The following LZTS3 variants were observed in gnomAD, a reference collection of about 807,000 sequenced individuals.
LZTS3 encodes leucine zipper tumor suppressor family member 3.
LZTS3 carries 16 observed loss-of-function variants against 50.9 expected under a neutral mutation model. The ratio of observed to expected loss-of-function variants is 0.31; its 90% CI spans 0.21 to 0.48. The LOEUF (loss-of-function observed/expected upper bound fraction) is 0.48. Among genes scored for constraint, LZTS3 ranks in the 20% least tolerant of loss-of-function variants. The pLI is 0.99. For synonymous variants in LZTS3, 408 were observed against 410.6 expected, an observed-to-expected ratio of 0.99 and a Z score of 0.08; for missense variants, 816 against 931.0, an observed-to-expected ratio of 0.88 and a Z score of 1.61.
intron 2 of LZTS3, chr20:3,167,497 C>G (rs2066847811): frequency 9.1e-7 from 1 of 1,098,216 alleles, no homozygotes; most frequent in African/African-American, 1.6e-5. Context: ...AGCCCCACCT[C>G]CGCCATGAGC....
chr20:3,162,708 A>T lies in LZTS3; in HGVS notation c.*1746T>A, dbSNP rs145786904. On this transcript the variant is annotated 3_prime_UTR_variant, in exon 5 of 5. Transcript: ENST00000337576. This position sits in a 1 kb window ranked among gnomAD's most constrained non-coding sequence, Gnocchi z 5.0. The stretch of plus-strand genomic sequence containing the variant: ...ATATGGTAGAGATATATATTTATAT[A>T]TATTTATATATAATTTCTTTTGTGG... 1.3e-5 allele frequency: 2 copies of T among 152,178 alleles called. No individual in the cohort carries two copies. Among genetic ancestry groups the T allele is most frequent in the African/African-American group, 4.8e-5 (2 of 41,516 alleles). 9.4% of individuals were successfully genotyped at this position (152,178 alleles called of 1,614,324 possible). A position where few individuals can be genotyped will look rare whatever the true frequency, so the allele number is the denominator to read the frequency against.
chr20:3,168,907 C>G (rs1410725112), intron 1 of LZTS3, among the ~76,000 whole-genome samples: 1 of 152,230 alleles, frequency 6.6e-6, no homozygotes, highest in Admixed American at 6.5e-5. Context: ...CCAAGGGCAC[C>G]TGACAAAACT....
intron 1 of LZTS3, among the ~76,000 whole-genome samples, chr20:3,170,503 A>AAAAAAAAAG (rs1252123693): frequency 1.2e-4 from 18 of 150,084 alleles, no homozygotes; most frequent in African/African-American, 4.4e-4. Context: ...AAAAAAAAAA[A>AAAAAAAAAG]AAACAGGTTG....
In LZTS3 at chr20:3,166,989, T is replaced by C; in HGVS notation, c.175A>G (p.Thr59Ala). 6.3e-7 allele frequency: 1 copy of C among 1,598,108 alleles called. No individual in the cohort carries two copies. The highest frequency in any genetic ancestry group is 8.5e-7 in the Non-Finnish European group (1 of 1,178,080). ...CTGCCCTGGCTGCCCCCACCCCCTG[T>C]GCGGGTACCCACGCTCTTCATGGCA... ...EFAMKSVGTR[T>A]GGGGSQGSFP... Residue 59 changes from threonine (T) to alanine (A), a missense_variant, in exon 3 of 5, where the codon ACA (threonine) becomes GCA (alanine). This residue lies in a region of LZTS3 where 700 missense variants were observed against 769.4 expected (regional missense o/e 0.91). Transcript: ENST00000337576.
Position 3,165,776 on chromosome 20 carries a change from A to T in LZTS3, c.1044T>A (p.Ala348=). ...GCCGCTCCTCCAGTACCTGGGCCAC[A>T]GCCGCCTCGCTCTGCTCCAGGCTGC... ...LRRSLEQSEA[A]VAQVLEERQK... is the part of the protein sequence containing the mutation. The change falls in exon 4 of 5, where the codon GCT becomes GCA. Residue 348 remains alanine (A), a synonymous_variant. Coordinates refer to ENST00000337576, the MANE Select transcript of LZTS3 (RefSeq NM_001365618.1). This position sits in a 1 kb window ranked among gnomAD's most constrained non-coding sequence, Gnocchi z 5.0. The T allele has an allele frequency of 6.3e-7, 1 of 1,583,892 alleles. No homozygotes were observed. The highest frequency in any genetic ancestry group is 1.8e-5 in the Admixed American group (1 of 56,846).
rs1568489783 is a variant in LZTS3, at chr20:3,165,807, A to C, written c.1013T>G (p.Leu338Arg). 6.3e-7 allele frequency: 1 copy of C among 1,599,168 alleles called. No individual in the cohort carries two copies. Among genetic ancestry groups the C allele is most frequent in the Non-Finnish European group, 8.5e-7 (1 of 1,177,938 alleles). The change falls in exon 4 of 5, where the codon CTG (leucine) becomes CGG (arginine). Residue 338 changes from leucine to arginine, a missense_variant. Physicochemically the swap from Leu to Arg is moderately radical, Grantham distance 102 (BLOSUM62 -2). Around this residue, in one of 3 missense-constraint regions of LZTS3, gnomAD observed 700 missense variants for 769.4 expected, o/e 0.91. Transcript: ENST00000337576. This position sits in a 1 kb window ranked among gnomAD's most constrained non-coding sequence, Gnocchi z 5.0. Reference sequence around the variant, plus strand: ...CTCGCTCTGCTCCAGGCTGCGCCGCAGAGCTGCCACCTCCTGCTCCTTCTC... The same window carrying C: ...CTCGCTCTGCTCCAGGCTGCGCCGCCGAGCTGCCACCTCCTGCTCCTTCTC... The part of the protein sequence containing the change: ...LWEKEQEVAA[L>R]RRSLEQSEAA...
rs2066814275 is a variant in LZTS3, at chr20:3,166,062, G to A, written c.758C>T (p.Thr253Ile). The change falls in exon 4 of 5, where the codon ACT (threonine) becomes ATT (isoleucine). Residue 253 changes from threonine (T) to isoleucine (I), a missense_variant. Physicochemically the swap from Thr to Ile is moderately conservative, Grantham distance 89. Transcript: ENST00000337576. ...GCCACTACCACTACCATAGCTGGCAGTGCCAATGCGGTTAATGTGGCTGGT... is the reference window on the plus strand; with the variant it reads ...GCCACTACCACTACCATAGCTGGCAATGCCAATGCGGTTAATGTGGCTGGT... The part of the protein sequence containing the change: ...ASTSHINRIG[T>I]ASYGSGSGGS... 1.2e-6 allele frequency: 2 copies of A among 1,612,846 alleles called. No homozygotes were observed. Among genetic ancestry groups the A allele is most frequent in the Non-Finnish European group, 1.7e-6 (2 of 1,179,320 alleles).
intron 1 of LZTS3, among the ~76,000 whole-genome samples, chr20:3,170,486 C>CA (rs397955055): frequency 0.21 from 15,552 of 72,392 alleles, 1,999 homozygotes; most frequent in East Asian, 0.41. Flanking sequence ...GAGACTACAT[C>CA]AAAAAAAAAA....
chr20:3,167,134 G>T lies in LZTS3; in HGVS notation c.30C>A (p.Arg10=). 1 of 1,494,402 alleles carries T rather than the reference G, an allele frequency of 6.7e-7. No individual in the cohort carries two copies. 92.6% of individuals were successfully genotyped at this position (1,494,402 alleles called of 1,614,324 possible). A position where few individuals can be genotyped will look rare whatever the true frequency, so the allele number is the denominator to read the frequency against. ...GGAGAGGATCCCGCCCTGGGTCAGC[G>T]CGCACAGGCAGCGTCTCCAGCTTCG... MAKLETLPV[R]ADPGRDPLLA... The change falls in exon 3 of 5, where the codon CGC becomes CGA. Residue 10 remains arginine (R), a synonymous_variant. Coordinates refer to ENST00000337576, the MANE Select transcript of LZTS3 (RefSeq NM_001365618.1).
In LZTS3 at chr20:3,166,940, C is replaced by T; in HGVS notation, c.224G>A (p.Gly75Asp). The change falls in exon 3 of 5, where the codon GGC becomes GAC. Residue 75 changes from glycine (G) to aspartate (D), a missense_variant. By Grantham distance (94) the Gly-to-Asp change is moderately conservative (BLOSUM62 -1). Coordinates refer to ENST00000337576, the MANE Select transcript of LZTS3 (RefSeq NM_001365618.1). ...QGSFPGPRGSGSGASRERPGR... is the reference protein window; with the variant it reads ...QGSFPGPRGSDSGASRERPGR... ...CGGCCTCTCCCTGCTGGCCCCACTG[C>T]CACTGCCTCGGGGGCCAGGGAAACT... 1 of 1,608,604 alleles carries T rather than the reference C, an allele frequency of 6.2e-7. No individual in the cohort carries two copies. Among genetic ancestry groups the T allele is most frequent in the Non-Finnish European group, 8.5e-7 (1 of 1,179,704 alleles).
chr20:3,171,927 C>T (rs902889241), intron 1 of LZTS3, among the ~76,000 whole-genome samples: 2 of 152,186 alleles, frequency 1.3e-5, no homozygotes, highest in African/African-American at 2.4e-5. Flanking sequence ...GGGGGCCAAA[C>T]GGACTCTACC....
intron 1 of LZTS3, among the ~76,000 whole-genome samples, chr20:3,171,662 C>CAAAA (rs35361315): frequency 8.3e-5 from 9 of 108,390 alleles, no homozygotes; most frequent in African/African-American, 3.0e-4. Flanking sequence ...GATACCCCCT[C>CAAAA]AAAAAAAAAA....
intron 1 of LZTS3, among the ~76,000 whole-genome samples, chr20:3,168,759 T>C (rs1272597005): frequency 6.6e-6 from 1 of 152,166 alleles, no homozygotes; most frequent in African/African-American, 2.4e-5. Flanking sequence ...CTTCAGGCCT[T>C]TTCCCACTAC....
rs1431990020 is a variant in LZTS3 at position 3,164,874 on chromosome 20, G to A, written c.1602C>T (p.Ala534=). Residue 534 remains alanine (A), a synonymous_variant, in exon 5 of 5, where the codon GCC becomes GCT. Transcript: ENST00000337576. Reference sequence around the variant, plus strand: ...TCTTAGCCTCGTCGCTCTCGCAGGTGGCCAGAGCATCCTGTGGCTCGGCCG... The same window carrying A: ...TCTTAGCCTCGTCGCTCTCGCAGGTAGCCAGAGCATCCTGTGGCTCGGCCG... ...VDPAEPQDAL[A]TCESDEAKMR... is the part of the protein sequence containing the mutation. The A allele has an allele frequency of 1.3e-6, 2 of 1,555,512 alleles. No homozygotes were observed. The highest frequency in any genetic ancestry group is 2.3e-5 in the East Asian group (1 of 42,846).
In LZTS3 at chr20:3,165,532, CGG is replaced by C; in HGVS notation, c.1286_1287del (p.Ala429GlyfsTer10). 1 of 1,564,870 alleles carries C rather than the reference CGG, an allele frequency of 6.4e-7. No homozygotes were observed. On this transcript the variant is annotated frameshift_variant, in exon 4 of 5. Transcript: ENST00000337576. LOFTEE classifies it high-confidence loss of function. The surrounding 1 kb of genome is among the most constrained non-coding windows in gnomAD (Gnocchi z 5.0). ...DKVAACQKEQ[A>X]DFLPRIEETK... ...GTTTCCTCTATCCGGGGCAGGAAGT[CGG>C]CCTGCTCCTTCTGGCAGGCGGCCAC...
At chr20:3,169,059 C>T (rs539784158) in intron 1 of LZTS3, among the ~76,000 whole-genome samples, 1 of 145,850 alleles carries the variant, frequency 6.9e-6, no homozygotes, top group Non-Finnish European at 1.5e-5. Context: ...AAGAGCACTT[C>T]GCCACCCTCC....
At chr20:3,166,486 C>T in intron 3 of LZTS3, 126 bp from the exon 4 acceptor site, 1 of 1,284,472 alleles carries the variant, frequency 7.8e-7, no homozygotes, top group Admixed American at 2.8e-5. Flanking sequence ...CCCTGAGGTT[C>T]CCCATCCGGG....
At chr20:3,167,400 C>T in intron 2 of LZTS3, 1 of 1,326,704 alleles carries the variant, frequency 7.5e-7, no homozygotes, top group Non-Finnish European at 9.6e-7. Context: ...AGCCCAACCC[C>T]CAGGGCTCCA....
At position 3,166,890 on chromosome 20, in the gene LZTS3, C is replaced by T. The variant is rs775046833; in HGVS notation, c.274G>A (p.Gly92Ser). The T allele has an allele frequency of 1.7e-5, 28 of 1,613,382 alleles. 1 individual carries two copies. The highest frequency in any genetic ancestry group is 1.1e-4 in the East Asian group (5 of 44,898). The change falls in exon 3 of 5, where the codon GGT becomes AGT. Residue 92 changes from glycine (G) to serine (S), a missense_variant. Transcript: ENST00000337576. ...TTGAGGTAGAGGGAGTTGGCGAGAC[C>T]CTTGTCCTCTGAGGGGTAGCGGCCC... ...RPGRYPSEDK[G>S]LANSLYLNGE...
Sources: allele counts gnomAD v4.1 joint callset (sites outside exome capture counted in the v4.1 genomes callset), GRCh38; gene constraint gnomAD v4.1.1; regional missense constraint gnomAD v4.1.1; non-coding constraint Gnocchi (gnomAD v3.1); transcripts MANE v1.5; gene names NCBI Gene and HGNC (gene_info 2026-07-23, HGNC 2026-07-21).